Variants in HYDIN observed in about 807,000 individuals in gnomAD.
The protein encoded by HYDIN is HYDIN axonemal central pair apparatus protein.
A neutral mutation model predicts 403.9 loss-of-function variants in HYDIN; 132 were observed. The ratio of observed to expected loss-of-function variants is 0.33; its 90% CI spans 0.28 to 0.38. The LOEUF is 0.38. Among genes scored for constraint, HYDIN ranks in the 10% least tolerant of loss-of-function variants. The pLI, the probability that HYDIN is intolerant of heterozygous loss-of-function variation, is 1.00. For synonymous variants in HYDIN, 1,202 were observed against 1,891.7 expected (o/e 0.64, Z 9.46); for missense variants, 2,827 against 5,009.5 (o/e 0.56, Z 13.15).
At chr16:70,998,106 A>G (rs1346200936) in intron 23 of HYDIN, among the ~76,000 whole-genome samples, 2 of 152,094 alleles carry the variant, frequency 1.3e-5, no homozygotes, top group African/African-American at 4.8e-5. Context: ...ACTAACACAT[A>G]TTTTCTGTTT....
At chr16:70,847,911 T>G (rs2038328553) in intron 75 of HYDIN, among the ~76,000 whole-genome samples, 1 of 151,278 alleles carries the variant, frequency 6.6e-6, no homozygotes, top group South Asian at 2.1e-4. Flanking sequence ...TCCCATTACA[T>G]GTATTTTGCT....
chr16:71,129,784 A>G lies in HYDIN; in HGVS notation c.1083T>C (p.Thr361=). The G allele has an allele frequency of 6.2e-7, 1 of 1,613,146 alleles. No individual in the cohort carries two copies. Among genetic ancestry groups the G allele is most frequent in the South Asian group, 1.1e-5 (1 of 90,876 alleles). The change falls in exon 9 of 86, where the codon ACT becomes ACC. Residue 361 remains threonine, a synonymous_variant. Transcript: ENST00000393567. Reference sequence around the variant, plus strand: ...TAATGCACTCTTCAAAAAACTCATCAGTCTCATCCTTCTCCTCTTTGATCA... The same window carrying G: ...TAATGCACTCTTCAAAAAACTCATCGGTCTCATCCTTCTCCTCTTTGATCA... ...DDLIKEEKDE[T]DEFFEECITD...
chr16:71,050,434 A>G (rs1187848422), intron 18 of HYDIN, among the ~76,000 whole-genome samples: 1 of 147,006 alleles, frequency 6.8e-6, no homozygotes, highest in Non-Finnish European at 1.5e-5. Context: ...AACCACAAAA[A>G]AGCACAGAAA....
At chr16:71,211,708 A>G (rs2088605178) in intron 1 of HYDIN, among the ~76,000 whole-genome samples, 1 of 152,098 alleles carries the variant, frequency 6.6e-6, no homozygotes, top group Admixed American at 6.5e-5. Context: ...AAGAATAAGA[A>G]TACCTACAGA....
intron 41 of HYDIN, among the ~76,000 whole-genome samples, chr16:70,946,746 T>C (rs1011728416): frequency 6.6e-6 from 1 of 152,122 alleles, no homozygotes; most frequent in Admixed American, 6.5e-5. Flanking sequence ...TAGAGAGATC[T>C]TGGAGTTTAT....
Position 71,029,112 on chromosome 16 carries a change from G to C in HYDIN, c.2769-1237C>G, listed in dbSNP as rs118012181. On this transcript the variant is annotated intron_variant, in intron 19 of 85. Coordinates refer to ENST00000393567, the MANE Select transcript of HYDIN (RefSeq NM_001270974.2). ...GCGGCAGCGTATGGCTATTTCTTTAGAGCAGATGTTGGCAAACTTTTTCTT... is the reference window on the plus strand; with the variant it reads ...GCGGCAGCGTATGGCTATTTCTTTACAGCAGATGTTGGCAAACTTTTTCTT... Among the ~76,000 whole-genome samples the C allele has an allele frequency of 6.7e-3, 1,028 of 152,320 alleles. 79 individuals are homozygous for C. In the East Asian group the frequency reaches 0.17, roughly 26 times the overall value.
chr16:71,020,047 G>C (rs2080423851), intron 22 of HYDIN, 127 bp downstream of exon 22: 1 of 667,248 alleles, frequency 1.5e-6, no homozygotes, highest in African/African-American at 1.8e-5. Context: ...AGTCTTCCCT[G>C]TTTGCTTCCT....
chr16:70,948,603 A>T (rs1386881615), intron 41 of HYDIN, among the ~76,000 whole-genome samples: 2 of 152,044 alleles, frequency 1.3e-5, no homozygotes, highest in Non-Finnish European at 2.9e-5. Context: ...ACTCAAACAA[A>T]TTTACAAGAA....
chr16:70,876,237 G>A (rs1418918110), intron 62 of HYDIN, among the ~76,000 whole-genome samples: 1 of 147,794 alleles, frequency 6.8e-6, no homozygotes, highest in East Asian at 2.0e-4. Context: ...CCAGGCCGGA[G>A]CGCAGTGGTG....
intron 22 of HYDIN, among the ~76,000 whole-genome samples, chr16:71,019,514 A>G (rs1265673638): frequency 6.6e-6 from 1 of 152,310 alleles, no homozygotes; most frequent in Non-Finnish European, 1.5e-5. Context: ...CCACTGGCAC[A>G]AGGGGCTGGG....
chr16:71,083,704 T>C (rs1512620), intron 12 of HYDIN, among the ~76,000 whole-genome samples: 6 of 152,188 alleles, frequency 3.9e-5, no homozygotes, highest in African/African-American at 1.4e-4. Flanking sequence ...AAATCAGTCA[T>C]ACATTGTTAA....
intron 1 of HYDIN, among the ~76,000 whole-genome samples, chr16:71,190,383 A>T (rs929232144): frequency 6.6e-6 from 1 of 151,544 alleles, no homozygotes; most frequent in Non-Finnish European, 1.5e-5. Context: ...CGTTCTTTTA[A>T]ATCTAAATTT....
chr16:71,215,083 CA>C (rs1013445154), intron 1 of HYDIN, among the ~76,000 whole-genome samples: 27 of 152,174 alleles, frequency 1.8e-4, no homozygotes, highest in African/African-American at 6.0e-4. Context: ...ACTGTACAAT[CA>C]ATTCATCAAT....
At chr16:71,027,327 T>C in intron 20 of HYDIN, 1 of 1,346,146 alleles carries the variant, frequency 7.4e-7, no homozygotes, top group Non-Finnish European at 9.5e-7. Context: ...ACTGGGTGTT[T>C]TTCTACCAGA....
At chr16:71,003,689 C>T (rs1459305901) in intron 23 of HYDIN, among the ~76,000 whole-genome samples, 1 of 151,800 alleles carries the variant, frequency 6.6e-6, no homozygotes, top group East Asian at 1.9e-4. Context: ...ATCCCAGCTA[C>T]TCAGGAGGTT....
chr16:71,219,275 A>T (rs2089063429), intron 1 of HYDIN, among the ~76,000 whole-genome samples: 1 of 152,198 alleles, frequency 6.6e-6, no homozygotes, highest in African/African-American at 2.4e-5. Context: ...AGGACATTTT[A>T]GATAGCTTAT....
intron 67 of HYDIN, among the ~76,000 whole-genome samples, chr16:70,865,846 C>T (rs1398448142): frequency 6.6e-6 from 1 of 152,206 alleles, no homozygotes; most frequent in East Asian, 1.9e-4. Flanking sequence ...TCTGGGTTAC[C>T]ACTTGGTGCA....
In HYDIN at chr16:71,152,752, G is replaced by C. The variant is rs749403051; in HGVS notation, c.748C>G (p.Leu250Val). The change falls in exon 7 of 86, where the codon CTT becomes GTT. Residue 250 changes from leucine (L) to valine (V), a missense_variant. Coordinates refer to ENST00000393567, the MANE Select transcript of HYDIN (RefSeq NM_001270974.2). ...AGTTGCATGGACTCTCCCACATTAA[G>C]AGTTCCAATAGCTGGTTCTATAGAG... is the stretch of plus-strand genomic sequence containing the variant. The part of the protein sequence containing the change: ...PFSIEPAIGT[L>V]NVGESMQLEV... 1.1e-5 allele frequency: 15 copies of C among 1,369,640 alleles called. No individual in the cohort carries two copies. The highest frequency in any genetic ancestry group is 1.3e-5 in the Non-Finnish European group (13 of 971,178). The allele number at this position is 1,369,640 out of a possible 1,614,324, so 84.8% of individuals were successfully genotyped here.
intron 45 of HYDIN, among the ~76,000 whole-genome samples, chr16:70,925,116 C>T (rs1347769703): frequency 2.0e-5 from 3 of 152,044 alleles, no homozygotes; most frequent in African/African-American, 7.2e-5. Flanking sequence ...CAGCATCAAA[C>T]AGTGATTCTC....
Sources: gnomAD v4.1 joint callset for allele counts (sites outside exome capture counted in the v4.1 genomes callset) on GRCh38, gnomAD v4.1.1 for gene constraint, MANE v1.5 for transcripts, NCBI Gene and HGNC (gene_info 2026-07-23, HGNC 2026-07-21) for gene names.